The following MCF2 variants were observed in gnomAD, a reference collection of about 807,000 sequenced individuals.
MCF2 encodes proto-oncogene DBL.
Under a neutral mutation model 82.5 loss-of-function variants are expected in MCF2, and 44 were observed. That is an observed-to-expected ratio of 0.53 (90% CI 0.42 to 0.69). The LOEUF (loss-of-function observed/expected upper bound fraction) is 0.69. Among genes scored for constraint, MCF2 ranks in the 30% least tolerant of loss-of-function variants. MCF2 has a pLI of 0.00. For synonymous variants in MCF2, 217 were observed against 224.9 expected (o/e 0.96, Z 0.32); for missense variants, 623 against 663.1 (o/e 0.94, Z 0.66).
intron 1 of MCF2, among the ~76,000 whole-genome samples, chrX:139,688,766 T>C (rs1400449329): frequency 9.0e-6 from 1 of 111,620 alleles, no homozygotes; most frequent in Admixed American, 9.5e-5. Flanking sequence ...CCTACTTCTG[T>C]ACTAGACTTG....
chrX:139,703,964 C>A (rs1935545991), intron 1 of MCF2, among the ~76,000 whole-genome samples: 1 of 111,726 alleles, frequency 9.0e-6, no homozygotes, highest in Admixed American at 9.5e-5. Context: ...TGAAAGAGAA[C>A]TTAAATATTT....
chrX:139,605,611 G>A, intron 13 of MCF2, 102 bp downstream of exon 17: 1 of 654,222 alleles, frequency 1.5e-6, no homozygotes. Flanking sequence ...TGACAACCAA[G>A]GAAGGAGACG....
At chrX:139,651,635 G>C (rs1934018407) in intron 2 of MCF2, 85 bp downstream of exon 2, 1 of 518,877 alleles carries the variant, frequency 1.9e-6, no homozygotes, top group African/African-American at 2.4e-5. Flanking sequence ...TATATAGAGA[G>C]CGAGCTATTT....
upstream of MCF2, chrX:139,646,963 G>A (rs1933823589): frequency 2.9e-6 from 2 of 680,362 alleles, no homozygotes; most frequent in Non-Finnish European, 4.4e-6. Flanking sequence ...GAAGCAAGAA[G>A]AGGATTTTAG....
upstream of MCF2, among the ~76,000 whole-genome samples, chrX:139,644,853 G>A (rs755173361): frequency 8.9e-6 from 1 of 112,025 alleles, no homozygotes; most frequent in African/African-American, 3.2e-5. Context: ...CTTCCACAGA[G>A]AGCCCATATC....
intron 1 of MCF2, among the ~76,000 whole-genome samples, chrX:139,667,785 G>A (rs1445153237): frequency 8.9e-6 from 1 of 111,801 alleles, no homozygotes; most frequent in Non-Finnish European, 1.9e-5. Context: ...GGTGGCCACA[G>A]TCCAAGCTGG....
intron 22 of MCF2, 80 bp from the exon 27 acceptor site, chrX:139,586,567 A>G (rs1468719973): frequency 1.6e-5 from 10 of 613,530 alleles, no homozygotes; most frequent in Non-Finnish European, 2.6e-5. Flanking sequence ...TATTTCTTCC[A>G]TTGATACCAA....
At chrX:139,604,190 C>T (rs1276350125) in intron 15 of MCF2, among the ~76,000 whole-genome samples, 1 of 111,436 alleles carries the variant, frequency 9.0e-6, no homozygotes, top group African/African-American at 3.3e-5. Context: ...AAAGAACTGA[C>T]AGCTCTCTGT....
chrX:139,652,206 T>C (rs913295224), intron 1 of MCF2, among the ~76,000 whole-genome samples: 21 of 111,972 alleles, frequency 1.9e-4, no homozygotes, highest in African/African-American at 6.2e-4. Context: ...GATTTTTTAA[T>C]CTTATTGAAT....
chrX:139,590,139 G>A (rs190650209), intron 19 of MCF2, among the ~76,000 whole-genome samples: 36 of 111,125 alleles, frequency 3.2e-4, no homozygotes, highest in African/African-American at 1.1e-3. Context: ...CAGATTGCAC[G>A]CTTCATTTCA....
chrX:139,696,342 C>CTCTTG (rs1301044433), intron 1 of MCF2, among the ~76,000 whole-genome samples: 2 of 67,630 alleles, frequency 3.0e-5, no homozygotes, highest in Non-Finnish European at 5.1e-5. Context: ...TCTTTCTCTT[C>CTCTTG]TCTCCTCTCC....
Position 139,616,477 on chromosome X carries a change from G to T in MCF2, c.1000-4C>A. The stretch of plus-strand genomic sequence containing the variant: ...CTTCATCACAGCATTGACGAGCCTG[G>T]TAAGAAAATCAAGAAGAAAAAAAAA... On this transcript the variant is annotated splice_polypyrimidine_tract_variant and splice_region_variant and intron_variant, in intron 8 of 24. Coordinates refer to ENST00000370576, the Ensembl canonical transcript of MCF2. 9.8e-7 allele frequency: 1 copy of T among 1,016,420 alleles called. No individual in the cohort carries two copies. The highest frequency in any genetic ancestry group is 1.3e-6 in the Non-Finnish European group (1 of 777,567). The allele number at this position is 1,016,420 out of a possible 1,213,427, so 83.8% of individuals were successfully genotyped here.
intron 1 of MCF2, among the ~76,000 whole-genome samples, chrX:139,684,313 TAAAG>T (rs997056687): frequency 1.8e-5 from 2 of 111,933 alleles, no homozygotes; most frequent in Non-Finnish European, 1.9e-5. Context: ...GGCTGGGAAA[TAAAG>T]AGAGATTAAC....
chrX:139,596,258 C>T (rs1930085542), intron 19 of MCF2, among the ~76,000 whole-genome samples: 1 of 111,296 alleles, frequency 9.0e-6, no homozygotes, highest in Non-Finnish European at 1.9e-5. Flanking sequence ...CTGGGACACT[C>T]CTTATCATTT....
chrX:139,655,763 T>C (rs1329821720), intron 1 of MCF2, among the ~76,000 whole-genome samples: 2 of 111,530 alleles, frequency 1.8e-5, no homozygotes, highest in African/African-American at 3.3e-5. Flanking sequence ...AGTTTTTTGA[T>C]GGAGTCTTTA....
At chrX:139,629,554 A>T in intron 4 of MCF2, 141 bp downstream of exon 7, 1 of 481,906 alleles carries the variant, frequency 2.1e-6, no homozygotes, top group Non-Finnish European at 3.3e-6. Context: ...TATAAAGTAT[A>T]ATTTTTTTTA....
chrX:139,669,317 T>C (rs1344081543), intron 1 of MCF2, among the ~76,000 whole-genome samples: 1 of 112,131 alleles, frequency 8.9e-6, no homozygotes, highest in Non-Finnish European at 1.9e-5. Flanking sequence ...AAAATGTATA[T>C]GGAAACCACA....
intron 16 of MCF2, among the ~76,000 whole-genome samples, chrX:139,599,480 T>G (rs1335447145): frequency 9.1e-6 from 1 of 110,251 alleles, no homozygotes; most frequent in Non-Finnish European, 1.9e-5. Flanking sequence ...AAAGTGGATT[T>G]CAAGTTGGTG....
chrX:139,656,973 A>C (rs1934218446), intron 1 of MCF2, among the ~76,000 whole-genome samples: 2 of 111,673 alleles, frequency 1.8e-5, no homozygotes, highest in African/African-American at 6.5e-5. Flanking sequence ...TCAACTACTC[A>C]CAGATAAAAA....
Sources: gnomAD v4.1 joint callset for allele counts (sites outside exome capture counted in the v4.1 genomes callset) on GRCh38, gnomAD v4.1.1 for gene constraint, MANE v1.5 for transcripts, NCBI Gene and HGNC (gene_info 2026-07-23, HGNC 2026-07-21) for gene names.